Variants in COL22A1 observed in about 807,000 individuals in gnomAD.
COL22A1 encodes collagen alpha-1(XXII) chain.
A neutral mutation model predicts 248.9 loss-of-function variants in COL22A1; 221 were observed. The ratio of observed to expected loss-of-function variants is 0.89; its 90% CI spans 0.80 to 0.99. COL22A1 has a LOEUF of 0.99. Ranked by LOEUF, COL22A1 falls within the 50% of genes least tolerant of loss-of-function variation. The probability of loss-of-function intolerance (pLI) is 0.00; values close to 1 mark genes in which losing one functional copy is unlikely to be tolerated. For synonymous variants in COL22A1, 891 were observed against 793.4 expected (o/e 1.12, Z -2.07); for missense variants, 2,240 against 2,179.0 (o/e 1.03, Z -0.56).
At chr8:138,868,053 G>A (rs190143684) in intron 3 of COL22A1, among the ~76,000 whole-genome samples, 76 of 152,260 alleles carry the variant, frequency 5.0e-4, no homozygotes, top group South Asian at 6.2e-4. Flanking sequence ...ATGAGCCACC[G>A]CACCCGGCCT....
intron 1 of COL22A1, among the ~76,000 whole-genome samples, chr8:138,897,366 T>G (rs1371279101): frequency 6.6e-6 from 1 of 151,836 alleles, no homozygotes; most frequent in Non-Finnish European, 1.5e-5. Context: ...GCCAACATGG[T>G]GAAACCCCGT....
At chr8:138,738,008 G>A (rs180914597) in intron 22 of COL22A1, among the ~76,000 whole-genome samples, 45 of 151,792 alleles carry the variant, frequency 3.0e-4, no homozygotes, top group African/African-American at 6.3e-4. Flanking sequence ...ACACTCCCCC[G>A]TCCCCCGTTT....
intron 3 of COL22A1, among the ~76,000 whole-genome samples, chr8:138,865,921 GTATA>G (rs367563250): frequency 0.083 from 12,399 of 149,752 alleles, 681 homozygotes; most frequent in African/African-American, 0.16. Flanking sequence ...GCATGTGAGT[GTATA>G]TGTGTGTGTA....
At chr8:138,685,098 T>G in intron 38 of COL22A1, 110 bp downstream of exon 38, 1 of 786,662 alleles carries the variant, frequency 1.3e-6, no homozygotes, top group Non-Finnish European at 2.1e-6. Flanking sequence ...GCCCATTTCA[T>G]TGGCCACGGT....
intron 52 of COL22A1, among the ~76,000 whole-genome samples, chr8:138,623,477 T>G (rs914253748): frequency 6.6e-6 from 1 of 152,184 alleles, no homozygotes; most frequent in South Asian, 2.1e-4. Context: ...ACAGGAGCCC[T>G]GGGCTCAGGT....
At chr8:138,824,300 G>A (rs1819397680) in intron 6 of COL22A1, among the ~76,000 whole-genome samples, 1 of 152,180 alleles carries the variant, frequency 6.6e-6, no homozygotes, top group African/African-American at 2.4e-5. Flanking sequence ...CCGATGTCTT[G>A]TGTTTACCAA....
intron 56 of COL22A1, among the ~76,000 whole-genome samples, chr8:138,610,642 C>T (rs4341165): frequency 0.67 from 101,480 of 152,102 alleles, 35,158 homozygotes; most frequent in Middle Eastern, 0.82. Context: ...ACAGCGGCCT[C>T]TGGGGGCCTT....
chr8:138,678,404 C>T (rs1277185506), intron 40 of COL22A1, among the ~76,000 whole-genome samples: 2 of 152,128 alleles, frequency 1.3e-5, no homozygotes, highest in Non-Finnish European at 2.9e-5. Flanking sequence ...ACATCCCTTG[C>T]CCTGCCCTCA....
chr8:138,865,994 T>A (rs910943378), intron 3 of COL22A1, among the ~76,000 whole-genome samples: 9 of 152,106 alleles, frequency 5.9e-5, no homozygotes, highest in African/African-American at 2.2e-4. Flanking sequence ...TTTGTATGCC[T>A]GTGTCTATGT....
chr8:138,845,829 G>A (rs1161157653), intron 3 of COL22A1, among the ~76,000 whole-genome samples: 3 of 152,114 alleles, frequency 2.0e-5, no homozygotes, highest in Non-Finnish European at 4.4e-5. Flanking sequence ...CATAAATTTA[G>A]CACCCAAAGC....
intron 16 of COL22A1, among the ~76,000 whole-genome samples, chr8:138,771,988 G>A (rs1442118728): frequency 6.6e-6 from 1 of 152,222 alleles, no homozygotes; most frequent in Non-Finnish European, 1.5e-5. Flanking sequence ...CTCAGTGAGT[G>A]TTTTCTCCCT....
At chr8:138,909,557 T>A (rs6987124) in intron 1 of COL22A1, among the ~76,000 whole-genome samples, 44,781 of 151,838 alleles carry the variant, frequency 0.29, 7,010 homozygotes, top group African/African-American at 0.41. Context: ...CTGATTTTTT[T>A]AAAAAAACTT....
At chr8:138,668,478 T>C (rs1469994182) in intron 41 of COL22A1, among the ~76,000 whole-genome samples, 1 of 152,222 alleles carries the variant, frequency 6.6e-6, no homozygotes, top group Non-Finnish European at 1.5e-5. Context: ...ATGCTATTGG[T>C]GTTTTCTGAC....
intron 41 of COL22A1, among the ~76,000 whole-genome samples, chr8:138,668,927 G>A (rs1175858244): frequency 6.6e-6 from 1 of 152,206 alleles, no homozygotes; most frequent in African/African-American, 2.4e-5. Context: ...GTGGGGTCGG[G>A]GGCTTCACAG....
chr8:138,592,740 G>A (rs914368638), intron 63 of COL22A1, among the ~76,000 whole-genome samples: 23 of 148,762 alleles, frequency 1.5e-4, no homozygotes, highest in African/African-American at 4.8e-4. Flanking sequence ...CTAATCGGTC[G>A]GACAGGAGTG....
chr8:138,724,162 T>C (rs1830117289), intron 25 of COL22A1, among the ~76,000 whole-genome samples: 1 of 152,042 alleles, frequency 6.6e-6, no homozygotes, highest in Non-Finnish European at 1.5e-5. Flanking sequence ...TTTTCTAAGC[T>C]CCACCTGCCC....
intron 35 of COL22A1, among the ~76,000 whole-genome samples, chr8:138,692,245 G>T (rs1827090315): frequency 6.2e-5 from 1 of 16,172 alleles, no homozygotes; most frequent in African/African-American, 1.6e-4. Context: ...CATGTTTGTG[G>T]ACGTATGTGT....
At chr8:138,902,371 A>C (rs2132163402) in intron 1 of COL22A1, among the ~76,000 whole-genome samples, 1 of 152,236 alleles carries the variant, frequency 6.6e-6, no homozygotes, top group Middle Eastern at 3.4e-3. Flanking sequence ...AGGGCAGAGA[A>C]CTTCACTGTG....
chr8:138,696,849 C>T (rs1375144103), intron 32 of COL22A1, among the ~76,000 whole-genome samples: 1 of 152,222 alleles, frequency 6.6e-6, no homozygotes, highest in Non-Finnish European at 1.5e-5. Flanking sequence ...TCACCACAGA[C>T]AATAATACCA....
Sources: allele counts gnomAD v4.1 joint callset (sites outside exome capture counted in the v4.1 genomes callset), GRCh38; gene constraint gnomAD v4.1.1; transcripts MANE v1.5; gene names NCBI Gene and HGNC (gene_info 2026-07-23, HGNC 2026-07-21).